The following DAPK2 variants were observed in gnomAD, a reference collection of about 807,000 sequenced individuals.
DAPK2 encodes death-associated protein kinase 2.
Under a neutral mutation model 44.1 loss-of-function variants are expected in DAPK2, and 35 were observed. The observed-to-expected ratio is 0.79, with a 90% confidence interval of 0.61 to 1.05. The LOEUF (loss-of-function observed/expected upper bound fraction) is 1.05. DAPK2 is among the 50% of genes least tolerant of loss of function. DAPK2 has a pLI of 0.00. For missense variants in DAPK2, 453 were observed against 483.2 expected (o/e 0.94, Z 0.59); for synonymous variants, 174 against 182.6 (o/e 0.95, Z 0.38).
chr15:63,950,573 ACT>A (rs2077560311), intron 3 of DAPK2, among the ~76,000 whole-genome samples: 1 of 152,082 alleles, frequency 6.6e-6, no homozygotes, highest in African/African-American at 2.4e-5. Flanking sequence ...AGAAAAAAAC[ACT>A]GTTTTATTTT....
chr15:64,038,510 C>A (rs1027533068), intron 1 of DAPK2, among the ~76,000 whole-genome samples: 2 of 152,170 alleles, frequency 1.3e-5, no homozygotes, highest in Non-Finnish European at 2.9e-5. Flanking sequence ...TACCCCTTCA[C>A]CAGGCCCAAG....
chr15:63,994,240 G>A (rs1303141763), intron 1 of DAPK2, among the ~76,000 whole-genome samples: 1 of 152,152 alleles, frequency 6.6e-6, no homozygotes, highest in African/African-American at 2.4e-5. Context: ...CAGGTATTCA[G>A]CCAGTGTTTG....
At chr15:64,015,387 C>T (rs570989769) in intron 1 of DAPK2, among the ~76,000 whole-genome samples, 1 of 152,300 alleles carries the variant, frequency 6.6e-6, no homozygotes, top group African/African-American at 2.4e-5. Flanking sequence ...GACCACAACA[C>T]TCAGGGCACT....
intron 1 of DAPK2, among the ~76,000 whole-genome samples, chr15:64,023,713 G>A (rs1322224793): frequency 6.6e-6 from 1 of 152,100 alleles, no homozygotes; most frequent in Non-Finnish European, 1.5e-5. Context: ...ATGACCACTG[G>A]GCCTTTAAGG....
At chr15:63,938,225 C>T (rs1282368456) in intron 4 of DAPK2, among the ~76,000 whole-genome samples, 1 of 152,210 alleles carries the variant, frequency 6.6e-6, no homozygotes, top group Non-Finnish European at 1.5e-5. Context: ...TTGCTGTTGG[C>T]TGTATCTGTA....
At chr15:63,928,276 G>C (rs780726513) in intron 6 of DAPK2, 1 of 152,518 alleles carries the variant, frequency 6.6e-6, no homozygotes, top group Admixed American at 6.5e-5. Context: ...CCAGGGTTGA[G>C]ATCTTCAGCT....
At chr15:63,926,843 C>T (rs549275017) in intron 6 of DAPK2, among the ~76,000 whole-genome samples, 1 of 152,326 alleles carries the variant, frequency 6.6e-6, no homozygotes, top group South Asian at 2.1e-4. Context: ...GCTAGAAGCA[C>T]AGGAGTCACC....
chr15:63,991,458 A>G, intron 1 of DAPK2: 1 of 394,970 alleles, frequency 2.5e-6, no homozygotes, highest in Non-Finnish European at 5.0e-6. Context: ...CCTTGTTGCT[A>G]CTGTCTTTCT....
At chr15:64,040,023 C>T in intron 1 of DAPK2, 147 bp downstream of exon 2, 1 of 629,930 alleles carries the variant, frequency 1.6e-6, no homozygotes, top group East Asian at 2.7e-5. Context: ...GCAAAGTCAC[C>T]CAGGCAGGTG....
intron 3 of DAPK2, among the ~76,000 whole-genome samples, chr15:63,967,534 T>C (rs1234993546): frequency 6.6e-6 from 1 of 151,802 alleles, no homozygotes; most frequent in Non-Finnish European, 1.5e-5. Context: ...CTACTAAAAA[T>C]ACAAAAATTA....
chr15:64,036,210 G>A (rs7174940), intron 1 of DAPK2, among the ~76,000 whole-genome samples: 3 of 144,926 alleles, frequency 2.1e-5, no homozygotes, highest in Non-Finnish European at 3.0e-5. Context: ...GCAGTGAGCC[G>A]AGATCTCACC....
chr15:64,024,391 G>A (rs1217423136), intron 1 of DAPK2, among the ~76,000 whole-genome samples: 1 of 152,164 alleles, frequency 6.6e-6, no homozygotes, highest in Non-Finnish European at 1.5e-5. Context: ...CTGGGTTGGG[G>A]AACAGGACTT....
chr15:63,929,707 G>T (rs2079462171), intron 5 of DAPK2, 130 bp from the exon 7 acceptor site: 6 of 1,027,116 alleles, frequency 5.8e-6, no homozygotes, highest in South Asian at 1.3e-5. Flanking sequence ...GCCGTCTCAT[G>T]CTCCACACCC....
chr15:64,035,075 G>A (rs2080140673), intron 1 of DAPK2, among the ~76,000 whole-genome samples: 1 of 152,058 alleles, frequency 6.6e-6, no homozygotes, highest in African/African-American at 2.4e-5. Flanking sequence ...GGCTGAGGCA[G>A]GAGAATCGCT....
At chr15:63,957,480 G>A (rs149396845) in intron 3 of DAPK2, among the ~76,000 whole-genome samples, 5,490 of 150,940 alleles carry the variant, frequency 0.036, 138 homozygotes, top group South Asian at 0.06. Flanking sequence ...TACATTAGGT[G>A]TATCTCCTAA....
rs71131201 is a variant in DAPK2 at position 64,030,979 on chromosome 15, T to TACACACACACAC, written c.92+9179_92+9190dup. On this transcript the variant is annotated intron_variant, in intron 1 of 10. Transcript: ENST00000261891. ...AAGACCCTGTCTCAAAATACACACA[T>TACACACACACAC]ACACACACACACACACACACACACA... Among the ~76,000 whole-genome samples, 712 of 140,080 alleles carry TACACACACACAC rather than the reference T, an allele frequency of 5.1e-3. 7 individuals carry two copies. The highest frequency in any genetic ancestry group is 0.017 in the African/African-American group (631 of 37,204). 91.9% of individuals were successfully genotyped at this position (140,080 alleles called of 152,430 possible).
rs984765377 is a variant in DAPK2 at position 64,017,854 on chromosome 15, C to T, written c.92+22316G>A. 2.0e-4 allele frequency among the ~76,000 whole-genome samples: 31 copies of T among 152,238 alleles called. 1 individual carries two copies. The highest frequency in any genetic ancestry group is 7.0e-4 in the African/African-American group (29 of 41,538). On this transcript the variant is annotated intron_variant, in intron 1 of 10. Transcript: ENST00000261891. ...TGAGCCTCAGAGGAATACAGACTCC[C>T]GGAGAAGGAGGAGAGGACAAACACC...
chr15:63,931,481 T>C (rs908109380), intron 4 of DAPK2, among the ~76,000 whole-genome samples: 17 of 152,170 alleles, frequency 1.1e-4, no homozygotes, highest in African/African-American at 4.1e-4. Context: ...AGACCAGTCA[T>C]GTCAGTGCTG....
At chr15:64,036,446 AC>A (rs1396119997) in intron 1 of DAPK2, among the ~76,000 whole-genome samples, 1 of 150,608 alleles carries the variant, frequency 6.6e-6, no homozygotes, top group Non-Finnish European at 1.5e-5. Flanking sequence ...TGAAACAGAC[AC>A]CCAGATCAAG....
Sources: allele counts gnomAD v4.1 joint callset (sites outside exome capture counted in the v4.1 genomes callset), GRCh38; gene constraint gnomAD v4.1.1; transcripts MANE v1.5; gene names NCBI Gene and HGNC (gene_info 2026-07-23, HGNC 2026-07-21).